The following BICRAL variants were observed in gnomAD, a reference collection of about 807,000 sequenced individuals.
The protein encoded by BICRAL is BRD4-interacting chromatin-remodeling complex-associated protein-like.
Under a neutral mutation model 91.8 loss-of-function variants are expected in BICRAL, and 8 were observed. That is an observed-to-expected ratio of 0.09 (90% confidence interval 0.05 to 0.16). The LOEUF is 0.16. BICRAL is among the 10% of genes least tolerant of loss of function. The pLI is 1.00. For synonymous variants in BICRAL, 445 were observed against 491.1 expected (o/e 0.91, Z 1.24); for missense variants, 1,038 against 1,310.9 (o/e 0.79, Z 3.21).
intron 7 of BICRAL, among the ~76,000 whole-genome samples, chr6:42,852,661 C>CAAAA (rs70990155): frequency 3.0e-5 from 2 of 66,042 alleles, no homozygotes; most frequent in African/African-American, 9.2e-5. Flanking sequence ...GACTCTGTCT[C>CAAAA]AAAAAAAAAA....
chr6:42,817,059 AC>A (rs1764014831), intron 2 of BICRAL, among the ~76,000 whole-genome samples: 1 of 150,808 alleles, frequency 6.6e-6, no homozygotes, highest in Admixed American at 6.6e-5. Flanking sequence ...TTCCCCAGTC[AC>A]CCTGTTTTCT....
At chr6:42,776,302 G>T (rs1338451859) in intron 1 of BICRAL, among the ~76,000 whole-genome samples, 1 of 151,802 alleles carries the variant, frequency 6.6e-6, no homozygotes, top group Non-Finnish European at 1.5e-5. Flanking sequence ...CTCCCAAAGT[G>T]CTGGGATTAC....
chr6:42,757,628 C>G (rs563545462), intron 1 of BICRAL, among the ~76,000 whole-genome samples: 2 of 152,330 alleles, frequency 1.3e-5, no homozygotes, highest in Admixed American at 1.3e-4. Context: ...CTCAAGTGAT[C>G]TGTCTGCCTC....
In BICRAL at chr6:42,837,436, A is replaced by T. The variant is rs886764262; in HGVS notation, c.1839+7264A>T. ...AAATATAATATTGTTTTTAATATAG[A>T]TAATACATTAACTTGGTTCAAAAAA... is the stretch of plus-strand genomic sequence containing the variant. On this transcript the variant is annotated intron_variant, in intron 6 of 12. Coordinates refer to ENST00000314073, the MANE Select transcript of BICRAL (RefSeq NM_001393499.1). Among the ~76,000 whole-genome samples the T allele has an allele frequency of 3.9e-5, 6 of 152,008 alleles. No homozygotes were observed. The South Asian group carries it at 1.2e-3, about 31-fold the overall frequency.
At chr6:42,756,919 T>TC (rs780265578) in intron 1 of BICRAL, among the ~76,000 whole-genome samples, 1,019 of 69,344 alleles carry the variant, frequency 0.015, 74 homozygotes, top group East Asian at 0.04. Flanking sequence ...TCTCTCCCTC[T>TC]CCCCCCCCCC....
intron 1 of BICRAL, among the ~76,000 whole-genome samples, chr6:42,787,313 C>T (rs1310912914): frequency 6.6e-6 from 1 of 152,054 alleles, no homozygotes; most frequent in African/African-American, 2.4e-5. Flanking sequence ...AGCAAGAGTT[C>T]TGTGTAAATA....
chr6:42,851,360 AAATAAT>A (rs1019678088), intron 6 of BICRAL, among the ~76,000 whole-genome samples: 4 of 152,118 alleles, frequency 2.6e-5, no homozygotes, highest in African/African-American at 4.8e-5. Context: ...TATGGCAAAA[AAATAAT>A]AATAATAAAA....
At chr6:42,763,676 C>T (rs146670221) in intron 1 of BICRAL, among the ~76,000 whole-genome samples, 2,079 of 151,610 alleles carry the variant, frequency 0.014, 58 homozygotes, top group African/African-American at 0.049. Context: ...TAAAAATTAG[C>T]TGGGCATGGT....
chr6:42,815,913 A>C (rs1237676444), intron 2 of BICRAL, among the ~76,000 whole-genome samples: 2 of 147,818 alleles, frequency 1.4e-5, no homozygotes, highest in Non-Finnish European at 3.0e-5. Flanking sequence ...GAACCCGGTA[A>C]GCGGAGGTTG....
chr6:42,844,817 GAA>G (rs1764942632), intron 6 of BICRAL, among the ~76,000 whole-genome samples: 1 of 152,244 alleles, frequency 6.6e-6, no homozygotes, highest in Admixed American at 6.5e-5. Context: ...TGTAGTGAAA[GAA>G]GAGCTTTTTT....
intron 1 of BICRAL, among the ~76,000 whole-genome samples, chr6:42,758,182 T>C (rs1014511202): frequency 6.6e-6 from 1 of 152,180 alleles, no homozygotes; most frequent in Non-Finnish European, 1.5e-5. Flanking sequence ...CCTGGGCTAT[T>C]GTTACAGTTT....
chr6:42,813,840 T>C (rs1181533704), intron 2 of BICRAL, among the ~76,000 whole-genome samples: 1 of 151,908 alleles, frequency 6.6e-6, no homozygotes, highest in Non-Finnish European at 1.5e-5. Context: ...TAAAGATATA[T>C]CAAAACTGAA....
intron 1 of BICRAL, among the ~76,000 whole-genome samples, chr6:42,776,267 G>C (rs1762805639): frequency 6.6e-6 from 1 of 152,088 alleles, no homozygotes; most frequent in Non-Finnish European, 1.5e-5. Flanking sequence ...TTGAACTCCT[G>C]ACATTGTGAT....
At chr6:42,853,852 CCT>C (rs543522779) in intron 8 of BICRAL, 114 bp downstream of exon 8, 50 of 734,502 alleles carry the variant, frequency 6.8e-5, no homozygotes, top group African/African-American at 5.0e-4. Flanking sequence ...CACCCAGTCC[CCT>C]GTGTGCCCAC....
chr6:42,776,667 C>G (rs1392663943), intron 1 of BICRAL, among the ~76,000 whole-genome samples: 1 of 152,146 alleles, frequency 6.6e-6, no homozygotes, highest in East Asian at 1.9e-4. Context: ...GTTTTATATA[C>G]TTAATATTAC....
At chr6:42,840,691 C>T (rs1303458447) in intron 6 of BICRAL, among the ~76,000 whole-genome samples, 2 of 152,076 alleles carry the variant, frequency 1.3e-5, no homozygotes, top group Admixed American at 1.3e-4. Flanking sequence ...CGCCTGCCAC[C>T]ATGCCTGGCT....
chr6:42,846,061 C>CA (rs386406871), intron 6 of BICRAL, among the ~76,000 whole-genome samples: 7,779 of 80,596 alleles, frequency 0.097, 643 homozygotes, highest in African/African-American at 0.24. Context: ...GACTCCATCT[C>CA]AAAAAAAAAA....
chr6:42,844,191 C>T (rs1764906273), intron 6 of BICRAL, among the ~76,000 whole-genome samples: 1 of 150,704 alleles, frequency 6.6e-6, no homozygotes, highest in Non-Finnish European at 1.5e-5. Context: ...AGAGGAGAAC[C>T]CCACAGCACC....
chr6:42,778,727 T>C (rs1193354894), upstream of BICRAL, among the ~76,000 whole-genome samples: 1 of 152,094 alleles, frequency 6.6e-6, no homozygotes, highest in Non-Finnish European at 1.5e-5. Flanking sequence ...ACACCTGTAA[T>C]ACCAGCAGTT....
Sources: gnomAD v4.1 joint callset for allele counts (sites outside exome capture counted in the v4.1 genomes callset) on GRCh38, gnomAD v4.1.1 for gene constraint, MANE v1.5 for transcripts, NCBI Gene and HGNC (gene_info 2026-07-23, HGNC 2026-07-21) for gene names.